PDXDC1: variants seen among roughly 807,000 people sequenced by gnomAD.
The protein encoded by PDXDC1 is pyridoxal-dependent decarboxylase domain-containing protein 1.
A neutral mutation model predicts 100.1 loss-of-function variants in PDXDC1; 42 were observed. The observed-to-expected ratio is 0.42, with a 90% CI of 0.33 to 0.54. The LOEUF (loss-of-function observed/expected upper bound fraction) is 0.54. Ranked by LOEUF, PDXDC1 falls within the 20% of genes least tolerant of loss-of-function variation. The probability of loss-of-function intolerance (pLI) is 0.10; values close to 1 mark genes in which losing one functional copy is unlikely to be tolerated. For missense variants in PDXDC1, 636 were observed against 979.2 expected (o/e 0.65, Z 4.68); for synonymous variants, 260 against 371.7 (o/e 0.70, Z 3.46).
Position 15,037,905 on chromosome 16 carries a change from T to TGAAAGACACTG in PDXDC1, c.*1631_*1641dup. ...TGAAAGTCATTTGATGAAAGTCATT[T>TGAAAGACACTG]GAAAGACACTGAGGAGGGAAGGAGG... On this transcript the variant is annotated 3_prime_UTR_variant, in exon 23 of 23. Transcript: ENST00000396410. The TGAAAGACACTG allele has an allele frequency of 1.7e-6, 1 of 598,162 alleles. No homozygotes were observed. The highest frequency in any genetic ancestry group is 3.0e-6 in the Non-Finnish European group (1 of 337,826). The allele number at this position is 598,162 out of a possible 1,614,324, so 37.1% of individuals were successfully genotyped here.
chr16:15,150,386 TA>T, the PDXDC1 span, among the ~76,000 whole-genome samples: 4 of 145,774 alleles, frequency 2.7e-5, no homozygotes, highest in South Asian at 4.3e-4. Context: ...AATAAATAAA[TA>T]AAAGACATCA....
At chr16:15,075,954 A>G (rs2045435921) in intron 16 of PDXDC1, among the ~76,000 whole-genome samples, 1 of 152,250 alleles carries the variant, frequency 6.6e-6, no homozygotes, top group South Asian at 2.1e-4. Context: ...TCCCCCTTAG[A>G]ACCAATGACT....
chr16:15,127,516 G>C, intron 16 of PDXDC1: 1 of 1,541,830 alleles, frequency 6.5e-7, no homozygotes, highest in Non-Finnish European at 8.8e-7. Flanking sequence ...CAGGTAGACG[G>C]GATAGACAAC....
intron 2 of PDXDC1, 92 bp from the exon 3 acceptor site, chr16:14,998,248 G>A (rs1233189609): frequency 3.1e-6 from 4 of 1,283,342 alleles, no homozygotes; most frequent in Admixed American, 4.5e-5. Context: ...TCACTGGGAG[G>A]TTATAGGCAA....
chr16:15,027,913 G>A (rs1274352767), intron 14 of PDXDC1, among the ~76,000 whole-genome samples: 2 of 152,278 alleles, frequency 1.3e-5, no homozygotes, highest in Non-Finnish European at 2.9e-5. Context: ...GTCCGTGGGG[G>A]TAGAGTCCTA....
intron 16 of PDXDC1, chr16:15,131,261 G>C (rs1164358062): frequency 6.9e-6 from 11 of 1,587,916 alleles, no homozygotes; most frequent in Admixed American, 3.3e-5. Context: ...GTGATGGCGC[G>C]CTCTGAGGCC....
chr16:15,086,068 G>T, intron 16 of PDXDC1: 1 of 1,487,384 alleles, frequency 6.7e-7, no homozygotes, highest in Non-Finnish European at 9.2e-7. Flanking sequence ...TATATAAGGG[G>T]AAGGTAGTAT....
intron 16 of PDXDC1, among the ~76,000 whole-genome samples, chr16:15,124,963 A>G (rs2047625411): frequency 6.6e-6 from 1 of 151,046 alleles, no homozygotes; most frequent in African/African-American, 2.4e-5. Flanking sequence ...CCTCACCAAC[A>G]TGCTGAAACC....
At chr16:15,094,350 G>T in intron 16 of PDXDC1, 1 of 927,578 alleles carries the variant, frequency 1.1e-6, no homozygotes, top group Non-Finnish European at 1.7e-6. Context: ...CAGCGGCCCC[G>T]CGTGGGGAGG....
chr16:15,122,262 G>A (rs1404633870), intron 16 of PDXDC1, among the ~76,000 whole-genome samples: 1 of 150,622 alleles, frequency 6.6e-6, no homozygotes, highest in African/African-American at 2.4e-5. Context: ...AGAGACAAGA[G>A]TGCAGCGGGG....
At chr16:15,145,187 G>C in the PDXDC1 span, among the ~76,000 whole-genome samples, 2 of 152,190 alleles carry the variant, frequency 1.3e-5, no homozygotes, top group Admixed American at 6.5e-5. Flanking sequence ...TGGTGGGGGG[G>C]GCCAAGCAAA....
At chr16:15,071,213 T>C (rs1340868563) in intron 16 of PDXDC1, 3 of 1,610,774 alleles carry the variant, frequency 1.9e-6, no homozygotes, top group South Asian at 2.2e-5. Flanking sequence ...GGTCCTGCAA[T>C]TTTTTCCAGA....
chr16:15,143,457 C>G (rs1245819196), downstream of PDXDC1, among the ~76,000 whole-genome samples: 1 of 152,202 alleles, frequency 6.6e-6, no homozygotes, highest in Admixed American at 6.5e-5. Flanking sequence ...TGCAGCGGGT[C>G]TGCCCGCCAC....
intron 16 of PDXDC1, among the ~76,000 whole-genome samples, chr16:15,097,271 TAAAAAA>T (rs900067053): frequency 2.2e-5 from 3 of 138,976 alleles, no homozygotes; most frequent in Admixed American, 7.3e-5. Flanking sequence ...TCTCATCTCT[TAAAAAA>T]AAAAAGGGAA....
At chr16:15,126,257 G>A (rs1430458568) in intron 16 of PDXDC1, among the ~76,000 whole-genome samples, 1 of 143,846 alleles carries the variant, frequency 7.0e-6, no homozygotes, top group Admixed American at 7.1e-5. Flanking sequence ...GCTGGTCTTG[G>A]AACTCCTGAC....
At chr16:15,035,602 A>G (rs4985155) in intron 22 of PDXDC1, 49 bp downstream of exon 22, 398,741 of 1,108,538 alleles carry the variant, frequency 0.36, 74,727 homozygotes, top group Admixed American at 0.58. Context: ...TCCCCTGTTG[A>G]CTGTTACTTG....
chr16:15,056,072 C>A (rs1463153075), intron 16 of PDXDC1: 1 of 371,468 alleles, frequency 2.7e-6, no homozygotes, highest in African/African-American at 2.2e-5. Context: ...CGCGTCCCGC[C>A]TCGTCCTGCC....
At chr16:15,098,690 C>A (rs1459062505) in intron 16 of PDXDC1, among the ~76,000 whole-genome samples, 2 of 151,776 alleles carry the variant, frequency 1.3e-5, no homozygotes, top group African/African-American at 2.4e-5. Context: ...ACCAGCCTGA[C>A]CAACATGGAA....
the PDXDC1 span, among the ~76,000 whole-genome samples, chr16:15,148,938 G>C: frequency 6.6e-6 from 1 of 152,170 alleles, no homozygotes; most frequent in African/African-American, 2.4e-5. Flanking sequence ...CCACAAGTTT[G>C]GCGAGTTTGC....
Sources: allele counts gnomAD v4.1 joint callset (sites outside exome capture counted in the v4.1 genomes callset), GRCh38; gene constraint gnomAD v4.1.1; transcripts MANE v1.5; gene names NCBI Gene and HGNC (gene_info 2026-07-23, HGNC 2026-07-21).